The following TULP4 variants were observed in gnomAD, a reference collection of about 807,000 sequenced individuals.
TULP4 encodes the protein TUB like protein 4.
TULP4 carries 16 observed loss-of-function variants against 129.0 expected under a neutral mutation model. The observed-to-expected ratio is 0.12, with a 90% confidence interval of 0.08 to 0.19. The LOEUF is 0.19. TULP4 is among the 10% of genes least tolerant of loss of function. TULP4 has a pLI of 1.00. For missense variants in TULP4, 1,842 were observed against 2,059.1 expected (o/e 0.89, Z 2.04); for synonymous variants, 998 against 854.0 (o/e 1.17, Z -2.94).
chr6:158,257,778 C>T (rs1778276020), intron 1 of TULP4, among the ~76,000 whole-genome samples: 1 of 152,128 alleles, frequency 6.6e-6, no homozygotes, highest in Admixed American at 6.5e-5. Flanking sequence ...ACTTTGTCTC[C>T]CCCATATTAT....
chr6:158,407,182 T>A (rs1777992289), intron 1 of TULP4, among the ~76,000 whole-genome samples: 1 of 152,226 alleles, frequency 6.6e-6, no homozygotes, highest in Non-Finnish European at 1.5e-5. Context: ...AGAAACTCAG[T>A]AATAGTAAAG....
At chr6:158,402,872 A>C (rs940425155) in intron 1 of TULP4, among the ~76,000 whole-genome samples, 1 of 150,230 alleles carries the variant, frequency 6.7e-6, no homozygotes, top group Non-Finnish European at 1.5e-5. Context: ...TCTGTGCCAG[A>C]ATGCTGGCTT....
At chr6:158,270,205 C>T (rs2128461389) in intron 1 of TULP4, among the ~76,000 whole-genome samples, 1 of 152,172 alleles carries the variant, frequency 6.6e-6, no homozygotes, top group Non-Finnish European at 1.5e-5. Flanking sequence ...ATTATAAAGT[C>T]TTCATTATTG....
At chr6:158,494,901 C>CAACT in intron 11 of TULP4, 55 bp downstream of exon 11, 1 of 1,478,608 alleles carries the variant, frequency 6.8e-7, no homozygotes, top group Non-Finnish European at 9.4e-7. Context: ...CTAAAACGTC[C>CAACT]AGTTTCCACC....
chr6:158,389,575 G>T (rs907884400), intron 1 of TULP4, among the ~76,000 whole-genome samples: 1 of 152,084 alleles, frequency 6.6e-6, no homozygotes, highest in Admixed American at 6.5e-5. Context: ...TTGATGTGGA[G>T]ATCAATAGAA....
At chr6:158,360,727 G>A (rs148963862) in intron 1 of TULP4, among the ~76,000 whole-genome samples, 185 of 152,278 alleles carry the variant, frequency 1.2e-3, no homozygotes, top group Middle Eastern at 3.4e-3. Flanking sequence ...TGAGCAGGTG[G>A]AATAGGCTGT....
intron 2 of TULP4, among the ~76,000 whole-genome samples, chr6:158,417,611 AC>A (rs988379859): frequency 1.6e-4 from 24 of 152,322 alleles, no homozygotes; most frequent in African/African-American, 5.1e-4. Flanking sequence ...GACACCACAC[AC>A]TGGTGACGAT....
intron 6 of TULP4, among the ~76,000 whole-genome samples, chr6:158,470,011 G>T (rs1333532049): frequency 1.3e-5 from 2 of 152,062 alleles, no homozygotes; most frequent in Non-Finnish European, 2.9e-5. Flanking sequence ...GGAATCTTGG[G>T]CCATGCAGTG....
In TULP4 at chr6:158,429,912, A is replaced by G; in HGVS notation, c.543+15A>G. The G allele has an allele frequency of 6.2e-7, 1 of 1,612,360 alleles. No homozygotes were observed. Among genetic ancestry groups the G allele is most frequent in the Non-Finnish European group, 8.5e-7 (1 of 1,179,070 alleles). Reference sequence around the variant, plus strand: ...ACGACCAACAGGTAACACTTCTGAAATGTGGTGGGTGTGTGACGTTAAAAC... The same window carrying G: ...ACGACCAACAGGTAACACTTCTGAAGTGTGGTGGGTGTGTGACGTTAAAAC... On this transcript the variant is annotated intron_variant, in intron 3 of 13. Transcript: ENST00000367097.
intron 12 of TULP4, 120 bp downstream of exon 12, chr6:158,498,932 C>T (rs1780387977): frequency 3.2e-6 from 4 of 1,236,800 alleles, no homozygotes; most frequent in Admixed American, 1.9e-5. Flanking sequence ...AAAAGGTATC[C>T]CTGCCTCAGT....
At chr6:158,494,948 A>G (rs1780298525) in intron 11 of TULP4, 102 bp downstream of exon 11, 2 of 885,984 alleles carry the variant, frequency 2.3e-6, no homozygotes, top group Admixed American at 5.3e-5. Flanking sequence ...CTTTTAAGAC[A>G]GCAAAAGATT....
At chr6:158,395,668 C>CGG (rs3085239) in intron 1 of TULP4, among the ~76,000 whole-genome samples, 5 of 83,116 alleles carry the variant, frequency 6.0e-5, no homozygotes, top group Non-Finnish European at 9.6e-5. Context: ...AAGTGATGGG[C>CGG]GGGGGGGGGG....
chr6:158,417,385 C>A (rs550915501), intron 2 of TULP4, among the ~76,000 whole-genome samples: 1 of 152,174 alleles, frequency 6.6e-6, no homozygotes, highest in South Asian at 2.1e-4. Flanking sequence ...CTGGAAGCAC[C>A]CAGAATCTCA....
intron 2 of TULP4, among the ~76,000 whole-genome samples, chr6:158,419,425 CACAATGTAGG>C (rs757214665): frequency 6.6e-6 from 1 of 152,032 alleles, no homozygotes; most frequent in Non-Finnish European, 1.5e-5. Context: ...TAAAAAGAAA[CACAATGTAGG>C]ACAAATTGAA....
At chr6:158,485,179 T>C (rs1199114798) in intron 8 of TULP4, among the ~76,000 whole-genome samples, 1 of 152,214 alleles carries the variant, frequency 6.6e-6, no homozygotes, top group Non-Finnish European at 1.5e-5. Flanking sequence ...TTAAACTGGA[T>C]ATGTAACTGA....
At chr6:158,358,316 A>G (rs781706027) in intron 1 of TULP4, among the ~76,000 whole-genome samples, 1 of 152,236 alleles carries the variant, frequency 6.6e-6, no homozygotes, top group Non-Finnish European at 1.5e-5. Context: ...GTAAATTTTA[A>G]GTGTACTTGG....
chr6:158,306,579 T>C (rs1779219562), intron 1 of TULP4, among the ~76,000 whole-genome samples: 1 of 151,750 alleles, frequency 6.6e-6, no homozygotes, highest in Admixed American at 6.6e-5. Context: ...GAAGGAAAGA[T>C]AGATAGATTT....
At chr6:158,428,618 AT>A (rs373847644) in intron 2 of TULP4, among the ~76,000 whole-genome samples, 39,294 of 150,282 alleles carry the variant, frequency 0.26, 5,925 homozygotes, top group Middle Eastern at 0.36. Context: ...TTTCAGTTAG[AT>A]TTTTTTTTTT....
chr6:158,252,213 CAT>C (rs1220626660), intron 1 of TULP4, among the ~76,000 whole-genome samples: 1 of 151,952 alleles, frequency 6.6e-6, no homozygotes, highest in African/African-American at 2.4e-5. Flanking sequence ...ATGTTCATGA[CAT>C]ATTTTGATGT....
Sources: gnomAD v4.1 joint callset for allele counts (sites outside exome capture counted in the v4.1 genomes callset) on GRCh38, gnomAD v4.1.1 for gene constraint, MANE v1.5 for transcripts, NCBI Gene and HGNC (gene_info 2026-07-23, HGNC 2026-07-21) for gene names.